Variants in ZNF536 observed in about 807,000 individuals in gnomAD.
ZNF536 encodes the protein zinc finger protein 536.
Under a neutral mutation model 84.5 loss-of-function variants are expected in ZNF536, and 13 were observed. The ratio of observed to expected loss-of-function variants is 0.15; its 90% CI spans 0.10 to 0.24. The LOEUF is 0.24. Ranked by LOEUF, ZNF536 falls within the 10% of genes least tolerant of loss-of-function variation. ZNF536 has a pLI of 1.00. For synonymous variants in ZNF536, 811 were observed against 742.5 expected, an observed-to-expected ratio of 1.09 and a Z score of -1.50; for missense variants, 1,536 against 1,747.5, an observed-to-expected ratio of 0.88 and a Z score of 2.16.
At chr19:30,596,896 C>T (rs1338680810) in intron 1 of ZNF536, among the ~76,000 whole-genome samples, 1 of 151,666 alleles carries the variant, frequency 6.6e-6, no homozygotes, top group Admixed American at 6.6e-5. Context: ...AGGAGGCTCT[C>T]TTATTACTGG....
chr19:30,564,432 G>A (rs2046279990), intron 1 of ZNF536, among the ~76,000 whole-genome samples: 1 of 151,964 alleles, frequency 6.6e-6, no homozygotes, highest in African/African-American at 2.4e-5. Context: ...AGAGAGAGAA[G>A]GCCAGCAGAA....
intron 1 of ZNF536, among the ~76,000 whole-genome samples, chr19:30,271,952 C>T (rs1451390797): frequency 6.6e-6 from 1 of 152,220 alleles, no homozygotes; most frequent in African/African-American, 2.4e-5. Flanking sequence ...ATGAGGTCTT[C>T]AGCCTTTGGG....
intron 2 of ZNF536, among the ~76,000 whole-genome samples, chr19:30,327,615 G>A (rs1382698916): frequency 6.6e-6 from 1 of 152,186 alleles, no homozygotes; most frequent in Non-Finnish European, 1.5e-5. Context: ...TGGAAGTTCT[G>A]GAAACCTGCA....
In ZNF536 at chr19:30,269,663, C is replaced by T. The variant is rs182071805; in HGVS notation, c.-189-14409C>T. On this transcript the variant is annotated intron_variant, in intron 1 of 5. Coordinates refer to the ZNF536 transcript ENST00000585628. Reference sequence around the variant, plus strand: ...ACATTGGTGTTCAGGTTACATTCCTCCTCCTACTATGAATATCTTCTGGCT... The same window carrying T: ...ACATTGGTGTTCAGGTTACATTCCTTCTCCTACTATGAATATCTTCTGGCT... 1.5e-4 allele frequency among the ~76,000 whole-genome samples: 23 copies of T among 152,288 alleles called. 1 individual carries two copies. Among genetic ancestry groups the T allele is most frequent in the Admixed American group, 7.8e-4 (12 of 15,298 alleles).
chr19:30,535,691 G>A (rs1167216811), intron 3 of ZNF536, among the ~76,000 whole-genome samples: 1 of 151,536 alleles, frequency 6.6e-6, no homozygotes, highest in Non-Finnish European at 1.5e-5. Context: ...GTCCTTTTTA[G>A]CTTTCTGCTT....
At chr19:30,613,337 C>T (rs186637328) in intron 1 of ZNF536, among the ~76,000 whole-genome samples, 1 of 152,296 alleles carries the variant, frequency 6.6e-6, no homozygotes, top group East Asian at 1.9e-4. Flanking sequence ...ATCCGTTGGG[C>T]GATCTTGCCT....
At chr19:30,430,386 T>TG (rs887344306) in intron 1 of ZNF536, among the ~76,000 whole-genome samples, 88 of 152,270 alleles carry the variant, frequency 5.8e-4, no homozygotes, top group African/African-American at 1.8e-3. Flanking sequence ...TGTTGGGTGC[T>TG]GGGGGGGACC....
rs1568333933 is a variant in ZNF536, at chr19:30,326,801, T to TTTTTTG, written c.-119-25562_-119-25561insGTTTTT. Reference sequence around the variant, plus strand: ...TTTTTTTATAAAAAGCTTTTTTTTTTTTTTTTTTTTTTTTTTTGTTTTCTA... The same window carrying TTTTTTG: ...TTTTTTTATAAAAAGCTTTTTTTTTTTTTTTGTTTTTTTTTTTTTTTTTGTTTTCTA... On this transcript the variant is annotated intron_variant, in intron 2 of 5. Transcript: ENST00000585628. Among the ~76,000 whole-genome samples the TTTTTTG allele has an allele frequency of 7.9e-5, 10 of 127,340 alleles. 1 individual carries two copies. Among genetic ancestry groups the TTTTTTG allele is most frequent in the African/African-American group, 3.1e-4 (10 of 32,206 alleles). The allele number at this position is 127,340 out of a possible 152,430, so 83.5% of individuals were successfully genotyped here.
intron 1 of ZNF536, among the ~76,000 whole-genome samples, chr19:30,701,191 T>TCTCA (rs111343627): frequency 4.7e-5 from 7 of 149,890 alleles, no homozygotes; most frequent in Non-Finnish European, 8.9e-5. Context: ...TATCTCACTC[T>TCTCA]CACACACACA....
chr19:30,463,455 G>A (rs1378258903), intron 2 of ZNF536, among the ~76,000 whole-genome samples: 2 of 152,144 alleles, frequency 1.3e-5, no homozygotes, highest in African/African-American at 4.8e-5. Flanking sequence ...GGGGCTTGAG[G>A]CTCTGGGGTC....
intron 1 of ZNF536, among the ~76,000 whole-genome samples, chr19:30,578,036 G>A (rs996071410): frequency 5.9e-5 from 9 of 152,172 alleles, no homozygotes; most frequent in Admixed American, 2.0e-4. Flanking sequence ...TCTGTTGCCG[G>A]CAACAGTGCG....
At chr19:30,380,264 A>G (rs2147153289) in intron 1 of ZNF536, among the ~76,000 whole-genome samples, 1 of 152,210 alleles carries the variant, frequency 6.6e-6, no homozygotes, top group Middle Eastern at 3.4e-3. Context: ...CCCCCTAATT[A>G]GCCAGCCTTA....
intron 3 of ZNF536, among the ~76,000 whole-genome samples, chr19:30,541,639 C>G (rs1336997739): frequency 2.0e-5 from 3 of 152,262 alleles, no homozygotes; most frequent in Middle Eastern, 3.4e-3. Context: ...CTACCAAACA[C>G]TAAGTAGGGA....
At chr19:30,440,900 T>C (rs1306446300) in intron 1 of ZNF536, among the ~76,000 whole-genome samples, 1 of 149,866 alleles carries the variant, frequency 6.7e-6, no homozygotes, top group Non-Finnish European at 1.5e-5. Flanking sequence ...GATAGATAGA[T>C]AGATAGATAG....
rs370443078 is a variant in ZNF536, at chr19:30,444,999, C to A, written c.1437C>A (p.Gly479=). ...CTCCCATCTCCAGCATGGCCCACGG[C>A]GTCCCGGAGGGGGACAAGCACTCCC... ...LLSPISSMAH[G]VPEGDKHSLL... The change falls in exon 2 of 5, where the codon GGC becomes GGA. Residue 479 remains glycine (G), a synonymous_variant. Coordinates refer to ENST00000355537, the MANE Select transcript of ZNF536 (RefSeq NM_014717.3). 3.7e-6 allele frequency: 6 copies of A among 1,611,060 alleles called. No individual in the cohort carries two copies. The highest frequency in any genetic ancestry group is 5.1e-6 in the Non-Finnish European group (6 of 1,178,602).
At chr19:30,577,835 T>C (rs1024559527) in intron 1 of ZNF536, among the ~76,000 whole-genome samples, 2 of 152,214 alleles carry the variant, frequency 1.3e-5, no homozygotes, top group Non-Finnish European at 2.9e-5. Context: ...ATTACAAAAT[T>C]TAATGTTCCA....
intron 2 of ZNF536, among the ~76,000 whole-genome samples, chr19:30,287,206 CATAGATGGGTGGATGGATGG>C (rs2045659770): frequency 8.8e-6 from 1 of 113,416 alleles, no homozygotes; most frequent in Admixed American, 1.3e-4. Flanking sequence ...AGGATGGATA[CATAGATGGGTGGATGGATGG>C]ATAGATGGGT....
intron 1 of ZNF536, among the ~76,000 whole-genome samples, chr19:30,606,328 G>T (rs2047890525): frequency 6.7e-6 from 1 of 148,174 alleles, no homozygotes; most frequent in Admixed American, 6.7e-5. Context: ...AAATAAAAGT[G>T]CCTGCAAGGA....
At chr19:30,706,940 C>G (rs1221254706) in intron 1 of ZNF536, among the ~76,000 whole-genome samples, 1 of 152,156 alleles carries the variant, frequency 6.6e-6, no homozygotes, top group Non-Finnish European at 1.5e-5. Context: ...TTCCCGGTGT[C>G]TTGCTCCTTC....
Sources: allele counts gnomAD v4.1 joint callset (sites outside exome capture counted in the v4.1 genomes callset), GRCh38; gene constraint gnomAD v4.1.1; transcripts MANE v1.5; gene names NCBI Gene and HGNC (gene_info 2026-07-23, HGNC 2026-07-21).